Variants in CUX1 observed in about 807,000 individuals in gnomAD.
The protein encoded by CUX1 is cut like homeobox 1, also known as protein CASP.
In CUX1, 31 loss-of-function variants were observed where a neutral mutation model predicts 158.8. The ratio of observed to expected loss-of-function variants is 0.20; its 90% confidence interval spans 0.15 to 0.26. The LOEUF is 0.26. Ranked by LOEUF, CUX1 falls within the 10% of genes least tolerant of loss-of-function variation. The pLI, the probability that CUX1 is intolerant of heterozygous loss-of-function variation, is 1.00. For missense variants in CUX1, 1,589 were observed against 2,014.6 expected, an observed-to-expected ratio of 0.79 and a Z score of 4.04; for synonymous variants, 879 against 862.1, an observed-to-expected ratio of 1.02 and a Z score of -0.34.
chr7:102,277,065 C>T (rs1454483988), intron 17 of CUX1, among the ~76,000 whole-genome samples: 3 of 151,154 alleles, frequency 2.0e-5, no homozygotes, highest in African/African-American at 4.9e-5. Context: ...ATTGGGAGGC[C>T]GAAGTGGGAA....
intron 1 of CUX1, among the ~76,000 whole-genome samples, chr7:101,881,044 G>A (rs1562960253): frequency 1.3e-5 from 2 of 152,184 alleles, no homozygotes; most frequent in South Asian, 4.1e-4. Flanking sequence ...TGGAGGTAGG[G>A]GAAACGGGGG....
chr7:102,161,586 C>G (rs1396427514), intron 9 of CUX1, among the ~76,000 whole-genome samples: 1 of 152,134 alleles, frequency 6.6e-6, no homozygotes, highest in African/African-American at 2.4e-5. Flanking sequence ...GAGTCCGTGC[C>G]TAGGAAATTC....
At chr7:102,125,924 G>T (rs1482669504) in intron 8 of CUX1, 1 of 151,960 alleles carries the variant, frequency 6.6e-6, no homozygotes, top group Non-Finnish European at 1.5e-5. Context: ...CGCCTCCTGG[G>T]TTCAAGCAAT....
intron 5 of CUX1, among the ~76,000 whole-genome samples, chr7:102,098,478 G>T (rs1473305504): frequency 6.6e-6 from 1 of 152,052 alleles, no homozygotes; most frequent in Non-Finnish European, 1.5e-5. Flanking sequence ...GGGCATGGTG[G>T]TGCACACCCG....
chr7:102,236,219 C>T (rs1180219969), intron 22 of CUX1, among the ~76,000 whole-genome samples: 1 of 152,218 alleles, frequency 6.6e-6, no homozygotes, highest in Non-Finnish European at 1.5e-5. Flanking sequence ...GAGCTGCCCC[C>T]CTGGGATGAC....
At chr7:102,062,849 A>T (rs1311538746) in intron 3 of CUX1, among the ~76,000 whole-genome samples, 1 of 151,962 alleles carries the variant, frequency 6.6e-6, no homozygotes, top group Non-Finnish European at 1.5e-5. Context: ...TCATGCCTGT[A>T]ATCCCAGCAC....
chr7:102,107,847 C>T (rs377296350), intron 6 of CUX1, among the ~76,000 whole-genome samples: 7 of 152,350 alleles, frequency 4.6e-5, no homozygotes, highest in East Asian at 1.9e-4. Flanking sequence ...CCCTGGTTGC[C>T]GGACCAAGGC....
At chr7:102,135,909 G>A (rs1285963381) in intron 8 of CUX1, among the ~76,000 whole-genome samples, 1 of 151,788 alleles carries the variant, frequency 6.6e-6, no homozygotes, top group Non-Finnish European at 1.5e-5. Flanking sequence ...GGGAGGTGGA[G>A]GTCACAGTGA....
At chr7:102,011,725 G>A (rs1818053185) in intron 2 of CUX1, among the ~76,000 whole-genome samples, 1 of 152,102 alleles carries the variant, frequency 6.6e-6, no homozygotes, top group African/African-American at 2.4e-5. Context: ...AGAACTACCC[G>A]GTGGAGTCGG....
intron 20 of CUX1, among the ~76,000 whole-genome samples, chr7:102,221,103 A>T (rs927841979): frequency 1.3e-5 from 2 of 151,496 alleles, no homozygotes; most frequent in African/African-American, 2.4e-5. Context: ...GCCCTTCCAT[A>T]CGTGTCTGTC....
upstream of CUX1, chr7:101,817,327 T>C (rs556006768): frequency 6.7e-3 from 6,606 of 984,426 alleles, 28 homozygotes; most frequent in Non-Finnish European, 7.6e-3. This position sits in a 1 kb window ranked among gnomAD's most constrained non-coding sequence, Gnocchi z 4.1. Context: ...CTGCCCTCTC[T>C]GCAGGGCCCG....
intron 2 of CUX1, among the ~76,000 whole-genome samples, chr7:101,926,336 G>A (rs576718641): frequency 4.7e-4 from 72 of 152,226 alleles, no homozygotes; most frequent in Non-Finnish European, 8.2e-4. Context: ...GGTCTCTAGG[G>A]GAGAAGAGGT....
exon 23 of CUX1, chr7:102,283,262 G>A (rs781970022): frequency 2.7e-4 from 173 of 632,956 alleles, no homozygotes; most frequent in Non-Finnish European, 4.5e-4. Context: ...AGAATGTCTC[G>A]GTCACATCAG....
intron 2 of CUX1, among the ~76,000 whole-genome samples, chr7:101,964,748 G>A (rs755724924): frequency 1.3e-5 from 2 of 152,146 alleles, no homozygotes; most frequent in Non-Finnish European, 2.9e-5. Context: ...TCAGAGTTTC[G>A]AGGGACCATA....
intron 1 of CUX1, among the ~76,000 whole-genome samples, chr7:101,853,488 C>T (rs1483938554): frequency 6.6e-6 from 1 of 152,082 alleles, no homozygotes; most frequent in Admixed American, 6.6e-5. Flanking sequence ...CTGTTTTCCT[C>T]GTTTCCCTCT....
At chr7:102,130,178 A>G (rs935045982) in intron 8 of CUX1, among the ~76,000 whole-genome samples, 1 of 152,090 alleles carries the variant, frequency 6.6e-6, no homozygotes, top group African/African-American at 2.4e-5. Context: ...GCTGAGTTCT[A>G]AGGCAAGCCT....
intron 2 of CUX1, among the ~76,000 whole-genome samples, chr7:101,966,303 C>CTTT (rs112153295): frequency 7.5e-6 from 1 of 133,700 alleles, no homozygotes; most frequent in Non-Finnish European, 1.6e-5. Context: ...TTTTGACTGT[C>CTTT]TTTTTTTTTT....
chr7:102,050,215 C>T (rs535524907), intron 3 of CUX1, among the ~76,000 whole-genome samples: 3 of 152,274 alleles, frequency 2.0e-5, no homozygotes, highest in South Asian at 4.1e-4. Flanking sequence ...ATCTCATGTC[C>T]GCTTCTCTGT....
intron 18 of CUX1, 97 bp downstream of exon 18, chr7:102,202,301 A>G (rs1482468028): frequency 3.9e-5 from 58 of 1,482,098 alleles, no homozygotes; most frequent in Admixed American, 8.9e-5. Flanking sequence ...ACCCATTTCA[A>G]TTCACCCAAG....
Sources: allele counts gnomAD v4.1 joint callset (sites outside exome capture counted in the v4.1 genomes callset), GRCh38; gene constraint gnomAD v4.1.1; non-coding constraint Gnocchi (gnomAD v3.1); transcripts MANE v1.5; gene names NCBI Gene and HGNC (gene_info 2026-07-23, HGNC 2026-07-21).